SCHIP1: variants seen among roughly 807,000 people sequenced by gnomAD.
SCHIP1 encodes the protein schwannomin-interacting protein 1.
Under a neutral mutation model 29.7 loss-of-function variants are expected in SCHIP1, and 8 were observed. The observed-to-expected ratio is 0.27, with a 90% CI of 0.16 to 0.49. The LOEUF (loss-of-function observed/expected upper bound fraction) is 0.49. Ranked by LOEUF, SCHIP1 falls within the 20% of genes least tolerant of loss-of-function variation. SCHIP1 has a pLI of 0.99. For synonymous variants in SCHIP1, 76 were observed against 94.9 expected (o/e 0.80, Z 1.16); for missense variants, 193 against 294.6 (o/e 0.66, Z 2.52).
chr3:159,555,044 T>G, the SCHIP1 span, among the ~76,000 whole-genome samples: 1 of 152,180 alleles, frequency 6.6e-6, no homozygotes, highest in Non-Finnish European at 1.5e-5. Flanking sequence ...ACATATTAAT[T>G]TTTTAAAAAT....
the SCHIP1 span, among the ~76,000 whole-genome samples, chr3:159,355,790 A>C: frequency 6.6e-6 from 1 of 152,132 alleles, no homozygotes; most frequent in African/African-American, 2.4e-5. Flanking sequence ...GGACAATTTA[A>C]ATTGAAATTT....
the SCHIP1 span, among the ~76,000 whole-genome samples, chr3:159,477,728 G>T: frequency 6.6e-6 from 1 of 151,998 alleles, no homozygotes; most frequent in African/African-American, 2.4e-5. Context: ...TCCATGGGTT[G>T]TCCCTCACTT....
the SCHIP1 span, among the ~76,000 whole-genome samples, chr3:159,278,890 T>C: frequency 6.6e-6 from 1 of 152,180 alleles, no homozygotes; most frequent in East Asian, 1.9e-4. Context: ...CTTCTTCATA[T>C]AGTCATTCAG....
upstream of SCHIP1, among the ~76,000 whole-genome samples, chr3:159,837,245 G>T (rs755489596): frequency 1.3e-5 from 2 of 152,230 alleles, no homozygotes; most frequent in Non-Finnish European, 2.9e-5. Flanking sequence ...ACATGTTCCT[G>T]AGTCTTAGGG....
chr3:159,448,503 G>A, the SCHIP1 span, among the ~76,000 whole-genome samples: 91 of 152,180 alleles, frequency 6.0e-4, no homozygotes, highest in African/African-American at 2.1e-3. Flanking sequence ...TCTGTTGTAA[G>A]GGAATTGTGG....
At chr3:159,301,944 C>T in the SCHIP1 span, among the ~76,000 whole-genome samples, 12 of 152,104 alleles carry the variant, frequency 7.9e-5, no homozygotes, top group East Asian at 1.9e-4. Context: ...AGCATAAATC[C>T]GTACTGGAAG....
chr3:159,888,072 T>C, intron 4 of SCHIP1, 167 bp downstream of exon 5: 2 of 968,374 alleles, frequency 2.1e-6, no homozygotes, highest in South Asian at 3.5e-5. Flanking sequence ...CTTCCTACTG[T>C]AGGACTGAAA....
chr3:159,798,942 C>T, the SCHIP1 span, among the ~76,000 whole-genome samples: 1 of 152,088 alleles, frequency 6.6e-6, no homozygotes, highest in Non-Finnish European at 1.5e-5. Flanking sequence ...TTCCTTATTT[C>T]TTGAACTTTT....
the SCHIP1 span, among the ~76,000 whole-genome samples, chr3:159,825,754 A>G: frequency 1.3e-5 from 2 of 152,308 alleles, no homozygotes; most frequent in South Asian, 4.1e-4. Context: ...TCAACGTTAC[A>G]AATCCCACAA....
the SCHIP1 span, among the ~76,000 whole-genome samples, chr3:159,774,621 G>T: frequency 6.6e-6 from 1 of 152,152 alleles, no homozygotes; most frequent in Admixed American, 6.5e-5. Context: ...AAAAGATGAT[G>T]TTTAGGCTAG....
the SCHIP1 span, among the ~76,000 whole-genome samples, chr3:159,417,584 C>T: frequency 0.026 from 4,009 of 152,140 alleles, 182 homozygotes; most frequent in African/African-American, 0.093. Flanking sequence ...GGTAAATAGA[C>T]GGATAGTGAT....
chr3:159,877,222 C>T (rs1475003746), intron 2 of SCHIP1, among the ~76,000 whole-genome samples: 1 of 152,072 alleles, frequency 6.6e-6, no homozygotes, highest in Admixed American at 6.6e-5. Context: ...TGGTGGCGGG[C>T]GCCTATAATC....
the SCHIP1 span, among the ~76,000 whole-genome samples, chr3:159,739,835 T>G: frequency 6.6e-6 from 1 of 152,254 alleles, no homozygotes; most frequent in Non-Finnish European, 1.5e-5. Context: ...ATCATTTTAC[T>G]AAACCGGTGC....
chr3:159,595,189 A>G, the SCHIP1 span, among the ~76,000 whole-genome samples: 1 of 152,186 alleles, frequency 6.6e-6, no homozygotes, highest in African/African-American at 2.4e-5. Context: ...GCAAACACAG[A>G]GCAACTCTCA....
the SCHIP1 span, chr3:159,375,640 G>C: frequency 5.5e-6 from 1 of 182,014 alleles, no homozygotes; most frequent in Admixed American, 6.5e-5. Flanking sequence ...AGGAGGCTGA[G>C]GCAGGAGAAT....
chr3:159,680,702 ATAT>A, the SCHIP1 span, among the ~76,000 whole-genome samples: 12 of 13,866 alleles, frequency 8.7e-4, no homozygotes, highest in South Asian at 2.6e-3. Flanking sequence ...TATATAATAT[ATAT>A]TATATATAAT....
chr3:159,479,374 C>A, the SCHIP1 span, among the ~76,000 whole-genome samples: 17 of 152,014 alleles, frequency 1.1e-4, no homozygotes, highest in Non-Finnish European at 2.2e-4. Flanking sequence ...CTGAAATTCC[C>A]AGATGTCATT....
chr3:159,478,901 G>T, the SCHIP1 span, among the ~76,000 whole-genome samples: 1 of 151,976 alleles, frequency 6.6e-6, no homozygotes, highest in Non-Finnish European at 1.5e-5. Context: ...GTTTTTGTAT[G>T]ACGATTTTGT....
the SCHIP1 span, chr3:159,273,884 G>GT: frequency 6.2e-7 from 1 of 1,613,300 alleles, no homozygotes; most frequent in African/African-American, 1.3e-5. Flanking sequence ...CTCTGACAGT[G>GT]TAAGTTTTAC....
Sources: allele counts gnomAD v4.1 joint callset (sites outside exome capture counted in the v4.1 genomes callset), GRCh38; gene constraint gnomAD v4.1.1; transcripts MANE v1.5; gene names NCBI Gene and HGNC (gene_info 2026-07-23, HGNC 2026-07-21).